ATRN: variants seen among roughly 807,000 people sequenced by gnomAD.
ATRN encodes attractin-2.
Under a neutral mutation model 178.7 loss-of-function variants are expected in ATRN, and 54 were observed. The ratio of observed to expected loss-of-function variants is 0.30; its 90% CI spans 0.24 to 0.38. The LOEUF is 0.38. Ranked by LOEUF, ATRN falls within the 10% of genes least tolerant of loss-of-function variation. ATRN has a pLI of 1.00. For synonymous variants in ATRN, 636 were observed against 663.0 expected, an observed-to-expected ratio of 0.96 and a Z score of 0.63; for missense variants, 1,443 against 1,815.1, an observed-to-expected ratio of 0.79 and a Z score of 3.73.
Position 3,601,043 on chromosome 20 carries a change from A to G in ATRN, c.3643+19A>G. 1 of 1,578,646 alleles carries G rather than the reference A, an allele frequency of 6.3e-7. No homozygotes were observed. The highest frequency in any genetic ancestry group is 8.7e-7 in the Non-Finnish European group (1 of 1,149,780). On this transcript the variant is annotated intron_variant, in intron 23 of 28. Transcript: ENST00000262919. ...TTCTCAGGTAAAGACATACCTAGAG[A>G]AGACCCCGCAAATGAAGGTGTGGTA...
At chr20:3,551,595 T>C (rs1188946358) in intron 6 of ATRN, among the ~76,000 whole-genome samples, 2 of 152,138 alleles carry the variant, frequency 1.3e-5, no homozygotes, top group Non-Finnish European at 2.9e-5. Flanking sequence ...TATTTCTCTC[T>C]AATACCCTAA....
chr20:3,602,331 A>G (rs1211541088), intron 23 of ATRN, among the ~76,000 whole-genome samples: 1 of 149,782 alleles, frequency 6.7e-6, no homozygotes, highest in East Asian at 1.9e-4. Context: ...CTCCATCTCA[A>G]AAAAAAAAAA....
At chr20:3,545,375 A>C (rs1046537661) in intron 3 of ATRN, among the ~76,000 whole-genome samples, 27 of 151,882 alleles carry the variant, frequency 1.8e-4, no homozygotes, top group Non-Finnish European at 3.7e-4. Flanking sequence ...AAAAAAAAAA[A>C]AAAAAACAAC....
chr20:3,594,031 C>G (rs1211977926), intron 19 of ATRN, among the ~76,000 whole-genome samples: 1 of 152,128 alleles, frequency 6.6e-6, no homozygotes, highest in African/African-American at 2.4e-5. Context: ...ATGTGACCAT[C>G]GTGGAGAAGG....
intron 24 of ATRN, among the ~76,000 whole-genome samples, chr20:3,611,361 G>C (rs1018573121): frequency 1.3e-5 from 2 of 152,020 alleles, no homozygotes; most frequent in African/African-American, 4.8e-5. Flanking sequence ...AATTCAGTTA[G>C]AAAATGGGCA....
intron 1 of ATRN, chr20:3,491,039 A>G (rs1474865478): frequency 2.7e-6 from 3 of 1,104,262 alleles, no homozygotes; most frequent in Non-Finnish European, 4.1e-6. Context: ...TAAAAATTTT[A>G]TGATTAGTTG....
At chr20:3,598,073 C>A in intron 22 of ATRN, 73 bp downstream of exon 22, 1 of 985,892 alleles carries the variant, frequency 1.0e-6, no homozygotes, top group Non-Finnish European at 1.6e-6. Context: ...TACGGATGGA[C>A]GTACTGCCTT....
Position 3,565,448 on chromosome 20 carries a change from A to G in ATRN, c.1871+16A>G. On this transcript the variant is annotated intron_variant, in intron 11 of 28. Coordinates refer to ENST00000262919, the MANE Select transcript of ATRN (RefSeq NM_139321.3). ...TACACAACAGGTAATTGGAGAAGTG[A>G]TTGCTCCTTTTCTTTTGTGTTTAAA... 6.3e-7 allele frequency: 1 copy of G among 1,598,438 alleles called. No individual in the cohort carries two copies. The highest frequency in any genetic ancestry group is 8.6e-7 in the Non-Finnish European group (1 of 1,165,906).
chr20:3,623,169 T>G (rs961510461), intron 24 of ATRN, among the ~76,000 whole-genome samples: 1 of 152,232 alleles, frequency 6.6e-6, no homozygotes, highest in Non-Finnish European at 1.5e-5. Flanking sequence ...TGACCTTGTT[T>G]ATATAATTCT....
intron 22 of ATRN, among the ~76,000 whole-genome samples, chr20:3,598,843 C>T (rs575609521): frequency 1.3e-5 from 2 of 152,304 alleles, no homozygotes; most frequent in South Asian, 4.1e-4. Flanking sequence ...TACACAAAGC[C>T]ATTTACCATT....
intron 1 of ATRN, among the ~76,000 whole-genome samples, chr20:3,497,108 T>G (rs2084890880): frequency 6.6e-6 from 1 of 150,620 alleles, no homozygotes; most frequent in Non-Finnish European, 1.5e-5. Context: ...GTCTTGACTC[T>G]TTATCCAATT....
At chr20:3,572,300 A>C (rs2086136743) in intron 11 of ATRN, among the ~76,000 whole-genome samples, 2 of 152,178 alleles carry the variant, frequency 1.3e-5, no homozygotes, top group South Asian at 4.1e-4. Flanking sequence ...AAAATTTTCC[A>C]GTGACTCATG....
chr20:3,592,965 G>A (rs868384475), intron 19 of ATRN, among the ~76,000 whole-genome samples: 12 of 152,170 alleles, frequency 7.9e-5, no homozygotes, highest in East Asian at 1.9e-4. Flanking sequence ...GACTTAATCC[G>A]TTAGACAGTA....
intron 11 of ATRN, among the ~76,000 whole-genome samples, chr20:3,568,442 G>A (rs2086069477): frequency 6.6e-6 from 1 of 152,152 alleles, no homozygotes; most frequent in Non-Finnish European, 1.5e-5. Flanking sequence ...GAGCCCAGGA[G>A]TTTGAGGCTG....
rs1227304067 is a variant in ATRN, at chr20:3,649,636, GCC to G, written c.*2790_*2791del. On this transcript the variant is annotated 3_prime_UTR_variant, in exon 29 of 29. Transcript: ENST00000262919. ...AGACTCAGGAAGCAGAGGCGTCCCT[GCC>G]GCTGCCCTTGGCCCTGCAAGCACAT... 6 of 152,346 alleles carry G rather than the reference GCC, an allele frequency of 3.9e-5. No individual in the cohort carries two copies. The highest frequency in any genetic ancestry group is 1.4e-4 in the African/African-American group (6 of 41,580). The allele number at this position is 152,346 out of a possible 1,614,324, so 9.4% of individuals were successfully genotyped here.
At chr20:3,545,657 T>G (rs2085690077) in intron 3 of ATRN, 105 bp from the exon 4 acceptor site, 1 of 1,436,260 alleles carries the variant, frequency 7.0e-7, no homozygotes, top group Non-Finnish European at 9.4e-7. Context: ...TTCCTGGATG[T>G]GGTTTTTAAA....
chr20:3,604,028 A>G, intron 23 of ATRN, 77 bp from the exon 24 acceptor site: 1 of 1,254,814 alleles, frequency 8.0e-7, no homozygotes, highest in South Asian at 1.6e-5. Context: ...TGTCCTTATT[A>G]TTAATGAGGC....
intron 24 of ATRN, among the ~76,000 whole-genome samples, chr20:3,613,954 T>A (rs1276198205): frequency 6.6e-6 from 1 of 152,190 alleles, no homozygotes; most frequent in Non-Finnish European, 1.5e-5. Context: ...ATTGGGGCTT[T>A]AAAAATGGTA....
intron 7 of ATRN, among the ~76,000 whole-genome samples, chr20:3,559,845 G>A (rs2085926787): frequency 6.6e-6 from 1 of 152,070 alleles, no homozygotes; most frequent in African/African-American, 2.4e-5. Flanking sequence ...ATAGATGGTA[G>A]GATGAGGCAA....
Sources: gnomAD v4.1 joint callset for allele counts (sites outside exome capture counted in the v4.1 genomes callset) on GRCh38, gnomAD v4.1.1 for gene constraint, MANE v1.5 for transcripts, NCBI Gene and HGNC (gene_info 2026-07-23, HGNC 2026-07-21) for gene names.